Variants in MACROD2 observed in about 807,000 individuals in gnomAD.
The protein encoded by MACROD2 is mono-ADP ribosylhydrolase 2, also known as ADP-ribose glycohydrolase MACROD2.
MACROD2 carries 36 observed loss-of-function variants against 70.4 expected under a neutral mutation model. The ratio of observed to expected loss-of-function variants is 0.51; its 90% CI spans 0.39 to 0.68. MACROD2 has a LOEUF of 0.68. Ranked by LOEUF, MACROD2 falls within the 30% of genes least tolerant of loss-of-function variation. MACROD2 has a pLI of 0.00. For missense variants in MACROD2, 496 were observed against 538.4 expected (o/e 0.92, Z 0.78); for synonymous variants, 172 against 178.8 (o/e 0.96, Z 0.30).
intron 4 of MACROD2, among the ~76,000 whole-genome samples, chr20:14,529,481 C>G (rs1212821301): frequency 2.0e-5 from 3 of 152,088 alleles, no homozygotes; most frequent in Non-Finnish European, 4.4e-5. Flanking sequence ...CTCTTCATGT[C>G]ATTATATGAC....
chr20:15,435,811 T>C (rs917384112), intron 7 of MACROD2, among the ~76,000 whole-genome samples: 3 of 152,198 alleles, frequency 2.0e-5, no homozygotes, highest in African/African-American at 4.8e-5. Context: ...CAGTACACCA[T>C]TGTGGCGAAT....
At chr20:14,015,514 C>T (rs1451039070) in intron 2 of MACROD2, among the ~76,000 whole-genome samples, 1 of 152,178 alleles carries the variant, frequency 6.6e-6, no homozygotes, top group Non-Finnish European at 1.5e-5. Context: ...GAGTTTGAGG[C>T]TGCGATGAGC....
intron 5 of MACROD2, among the ~76,000 whole-genome samples, chr20:15,088,439 ATATATATATATAATAT>A (rs2075768463): frequency 8.7e-5 from 3 of 34,436 alleles, no homozygotes; most frequent in South Asian, 1.1e-3. Context: ...ATATATATAT[ATATATATATATAATAT>A]TTTGTGTGTG....
chr20:14,569,372 A>G (rs187751798), intron 4 of MACROD2, among the ~76,000 whole-genome samples: 25 of 152,192 alleles, frequency 1.6e-4, no homozygotes, highest in Admixed American at 1.6e-3. Flanking sequence ...GCTTTCACAA[A>G]TACATTGGCT....
At chr20:14,597,097 A>G (rs1006126780) in intron 4 of MACROD2, among the ~76,000 whole-genome samples, 4 of 152,186 alleles carry the variant, frequency 2.6e-5, no homozygotes, top group Non-Finnish European at 4.4e-5. Context: ...TTGTAGATAA[A>G]AGATATATTT....
chr20:14,776,680 A>C (rs911735498), intron 5 of MACROD2, among the ~76,000 whole-genome samples: 1 of 152,046 alleles, frequency 6.6e-6, no homozygotes, highest in African/African-American at 2.4e-5. Flanking sequence ...ATATTTTCAT[A>C]ATATTTCACT....
At chr20:15,598,735 A>G (rs1196010029) in intron 8 of MACROD2, among the ~76,000 whole-genome samples, 1 of 152,218 alleles carries the variant, frequency 6.6e-6, no homozygotes, top group Non-Finnish European at 1.5e-5. Flanking sequence ...CTCACTGGAA[A>G]CAAAGTTTGA....
At chr20:15,673,696 G>A (rs1420782251) in intron 8 of MACROD2, among the ~76,000 whole-genome samples, 2 of 150,854 alleles carry the variant, frequency 1.3e-5, no homozygotes, top group African/African-American at 2.4e-5. Flanking sequence ...ATATTTTCAT[G>A]TAAGATATTT....
At chr20:15,801,169 A>C in intron 8 of MACROD2, among the ~76,000 whole-genome samples, 1 of 141,956 alleles carries the variant, frequency 7.0e-6, no homozygotes, top group Non-Finnish European at 1.5e-5. Flanking sequence ...TGCGAGAAAC[A>C]CCCAAGAATG....
chr20:15,443,454 A>G (rs1237628562), intron 7 of MACROD2, among the ~76,000 whole-genome samples: 1 of 152,138 alleles, frequency 6.6e-6, no homozygotes, highest in East Asian at 1.9e-4. Flanking sequence ...GTTTCCTACA[A>G]GTGACTGCAA....
chr20:15,227,964 A>G (rs1205338203), intron 5 of MACROD2, among the ~76,000 whole-genome samples: 1 of 151,724 alleles, frequency 6.6e-6, no homozygotes, highest in Non-Finnish European at 1.5e-5. Flanking sequence ...TCCATCAGAA[A>G]ACTTAGAATA....
chr20:14,018,758 C>T (rs924005155), intron 2 of MACROD2, among the ~76,000 whole-genome samples: 4 of 152,208 alleles, frequency 2.6e-5, no homozygotes, highest in African/African-American at 4.8e-5. Flanking sequence ...TAATGTCACT[C>T]ATCTCATCTG....
chr20:15,926,859 C>A (rs1285915476), intron 10 of MACROD2, among the ~76,000 whole-genome samples: 2 of 152,178 alleles, frequency 1.3e-5, no homozygotes, highest in African/African-American at 2.4e-5. Context: ...TTGCTGCCAT[C>A]AGAGCATTCA....
chr20:14,609,266 G>C (rs1461104740), intron 4 of MACROD2, among the ~76,000 whole-genome samples: 1 of 152,082 alleles, frequency 6.6e-6, no homozygotes, highest in African/African-American at 2.4e-5. Context: ...AGAAGTTAGA[G>C]GATTCAAAAT....
rs908103979 is a variant in MACROD2, at chr20:15,980,247, A to C, written c.986-6480A>C. Among the ~76,000 whole-genome samples the C allele has an allele frequency of 1.7e-4, 26 of 152,318 alleles. No individual in the cohort carries two copies. The East Asian group carries it at 2.1e-3, about 12-fold the overall frequency. On this transcript the variant is annotated intron_variant, in intron 13 of 17. Transcript: ENST00000684519. Reference sequence around the variant, plus strand: ...CCAGGCCTGGTTTCGGGCCTGGTGCAGGGCTGCCTGTCTTTGATTTTACTT... The same window carrying C: ...CCAGGCCTGGTTTCGGGCCTGGTGCCGGGCTGCCTGTCTTTGATTTTACTT...
intron 8 of MACROD2, among the ~76,000 whole-genome samples, chr20:15,823,620 A>G (rs2063965203): frequency 6.6e-6 from 1 of 152,212 alleles, no homozygotes; most frequent in Non-Finnish European, 1.5e-5. Flanking sequence ...GTTTCCAACT[A>G]TTTATCAACA....
At chr20:15,721,321 C>G (rs2050784245) in intron 8 of MACROD2, among the ~76,000 whole-genome samples, 1 of 152,198 alleles carries the variant, frequency 6.6e-6, no homozygotes, top group African/African-American at 2.4e-5. Flanking sequence ...ACAGACTTCA[C>G]AGAATCGTCT....
intron 12 of MACROD2, 68 bp downstream of exon 12, chr20:15,937,612 T>C: frequency 6.9e-7 from 1 of 1,458,800 alleles, no homozygotes; most frequent in Non-Finnish European, 9.6e-7. Flanking sequence ...CTTGTTTACA[T>C]GGAAAAATGA....
chr20:15,088,255 C>A (rs1245511024), intron 5 of MACROD2, among the ~76,000 whole-genome samples: 1 of 151,458 alleles, frequency 6.6e-6, no homozygotes, highest in Non-Finnish European at 1.5e-5. Context: ...TGGAAACAAT[C>A]TGAGTGTCTT....
Sources: allele counts gnomAD v4.1 joint callset (sites outside exome capture counted in the v4.1 genomes callset), GRCh38; gene constraint gnomAD v4.1.1; transcripts MANE v1.5; gene names NCBI Gene and HGNC (gene_info 2026-07-23, HGNC 2026-07-21).